PDGFD: variants seen among roughly 807,000 people sequenced by gnomAD.
PDGFD encodes the protein platelet-derived growth factor D.
In PDGFD, 30 loss-of-function variants were observed where a neutral mutation model predicts 44.7. The observed-to-expected ratio is 0.67, with a 90% CI of 0.50 to 0.91. The LOEUF is 0.91. Ranked by LOEUF, PDGFD falls within the 40% of genes least tolerant of loss-of-function variation. The pLI, the probability that PDGFD is intolerant of heterozygous loss-of-function variation, is 0.00. For synonymous variants in PDGFD, 173 were observed against 168.4 expected (o/e 1.03, Z -0.21); for missense variants, 445 against 457.8 (o/e 0.97, Z 0.25).
chr11:104,125,616 A>C (rs75516343), intron 1 of PDGFD, among the ~76,000 whole-genome samples: 243 of 152,266 alleles, frequency 1.6e-3, no homozygotes, highest in African/African-American at 5.6e-3. Flanking sequence ...ACATGACACT[A>C]TCCCAAGATG....
At chr11:104,059,962 G>C (rs1224189708) in intron 1 of PDGFD, among the ~76,000 whole-genome samples, 1 of 152,194 alleles carries the variant, frequency 6.6e-6, no homozygotes, top group Admixed American at 6.5e-5. Flanking sequence ...GGGAGATTTA[G>C]CTTCTGCAAG....
intron 1 of PDGFD, among the ~76,000 whole-genome samples, chr11:104,093,489 C>T (rs1861240035): frequency 6.6e-6 from 1 of 152,118 alleles, no homozygotes; most frequent in Non-Finnish European, 1.5e-5. Context: ...TCTGCTCCTC[C>T]TCGCTTGCCT....
chr11:104,007,264 G>A (rs1186226489), intron 1 of PDGFD, among the ~76,000 whole-genome samples: 1 of 152,156 alleles, frequency 6.6e-6, no homozygotes, highest in African/African-American at 2.4e-5. Flanking sequence ...ACTAGAGCAA[G>A]AGGCTACACA....
chr11:104,109,064 G>C (rs1424018197), intron 1 of PDGFD, among the ~76,000 whole-genome samples: 3 of 136,862 alleles, frequency 2.2e-5, no homozygotes, highest in African/African-American at 5.4e-5. Flanking sequence ...GGTGGAGGGA[G>C]GGGGGAGGGA....
At chr11:104,076,109 C>T (rs1225458576) in intron 1 of PDGFD, among the ~76,000 whole-genome samples, 1 of 152,158 alleles carries the variant, frequency 6.6e-6, no homozygotes, top group African/African-American at 2.4e-5. Context: ...ATAAGGGGCT[C>T]TTTCCCTATT....
At chr11:103,950,550 C>T (rs375436723) in intron 3 of PDGFD, among the ~76,000 whole-genome samples, 203 of 95,418 alleles carry the variant, frequency 2.1e-3, no homozygotes, top group African/African-American at 8.4e-3. Context: ...GCAACAAGAG[C>T]GAAACTCTGT....
In PDGFD at chr11:103,980,732, G is replaced by C. The variant is rs889774903; in HGVS notation, c.510+15333C>G. Among the ~76,000 whole-genome samples the C allele has an allele frequency of 4.6e-5, 7 of 152,148 alleles. No homozygotes were observed. The East Asian group carries it at 1.4e-3, about 29-fold the overall frequency. ...CACAGTATGTAGAGGTAGGGCCTTA[G>C]GATGTAGGAATGGGATTAGCAACCT... On this transcript the variant is annotated intron_variant, in intron 3 of 6. Coordinates refer to ENST00000393158, the MANE Select transcript of PDGFD (RefSeq NM_025208.5).
chr11:104,163,497 T>A (rs1862420196), intron 1 of PDGFD, among the ~76,000 whole-genome samples: 1 of 152,118 alleles, frequency 6.6e-6, no homozygotes, highest in Non-Finnish European at 1.5e-5. Flanking sequence ...TTTCGCCAAC[T>A]CCGGGATGAG....
chr11:103,920,408 T>C (rs1056457696), intron 6 of PDGFD, among the ~76,000 whole-genome samples: 8 of 152,212 alleles, frequency 5.3e-5, no homozygotes, highest in Non-Finnish European at 1.0e-4. Flanking sequence ...GAAAACATAA[T>C]GGAAAGCCTG....
At chr11:104,123,611 T>C (rs1389275421) in intron 1 of PDGFD, among the ~76,000 whole-genome samples, 2 of 152,048 alleles carry the variant, frequency 1.3e-5, no homozygotes, top group African/African-American at 4.8e-5. Context: ...CAATTAAATA[T>C]GTTTAAAGTG....
At chr11:104,047,958 A>G (rs1032203419) in intron 1 of PDGFD, among the ~76,000 whole-genome samples, 1 of 152,148 alleles carries the variant, frequency 6.6e-6, no homozygotes. Context: ...AATCTGCTAT[A>G]TCTTTGATAG....
intron 1 of PDGFD, among the ~76,000 whole-genome samples, chr11:104,029,963 C>T (rs550245449): frequency 2.6e-5 from 4 of 152,098 alleles, no homozygotes; most frequent in South Asian, 2.1e-4. Flanking sequence ...AAATCTTAAA[C>T]GTTTTGAGCT....
At chr11:104,102,731 T>C (rs1045536733) in intron 1 of PDGFD, among the ~76,000 whole-genome samples, 6 of 152,258 alleles carry the variant, frequency 3.9e-5, no homozygotes, top group African/African-American at 1.4e-4. Context: ...ATATACGCCG[T>C]GGAATACTAT....
At chr11:104,121,176 GAACA>G (rs1336521275) in intron 1 of PDGFD, among the ~76,000 whole-genome samples, 3 of 151,950 alleles carry the variant, frequency 2.0e-5, no homozygotes, top group Non-Finnish European at 4.4e-5. Context: ...AGATTTTAAA[GAACA>G]AATTGAAAGT....
At position 104,027,956 on chromosome 11, in the gene PDGFD, C is replaced by T. The variant is rs1366416155; in HGVS notation, c.125-27701G>A. On this transcript the variant is annotated intron_variant, in intron 1 of 6. Transcript: ENST00000393158. ...TTGTAATCTCAGCACTTTGGGAGAA[C>T]GAGGCAGGAGGATCAAGAGGTCAGG... Among the ~76,000 whole-genome samples the T allele has an allele frequency of 2.0e-5, 3 of 151,476 alleles. No homozygotes were observed. The South Asian group carries it at 6.2e-4, about 31-fold the overall frequency.
At chr11:104,150,208 T>G (rs888009238) in intron 1 of PDGFD, among the ~76,000 whole-genome samples, 9 of 152,184 alleles carry the variant, frequency 5.9e-5, no homozygotes, top group Non-Finnish European at 1.3e-4. Flanking sequence ...AGAATAATTT[T>G]ATAATATAAT....
At chr11:104,047,802 A>G (rs1860467064) in intron 1 of PDGFD, among the ~76,000 whole-genome samples, 1 of 152,200 alleles carries the variant, frequency 6.6e-6, no homozygotes, top group Admixed American at 6.5e-5. Context: ...ATGTGTTAAC[A>G]TCTTACATCA....
chr11:103,923,653 C>T (rs1302249991), intron 6 of PDGFD, among the ~76,000 whole-genome samples: 1 of 152,098 alleles, frequency 6.6e-6, no homozygotes, highest in African/African-American at 2.4e-5. Flanking sequence ...CTCAAGCAAC[C>T]CCCACTTCTG....
chr11:104,088,921 T>G (rs1861172268), intron 1 of PDGFD, among the ~76,000 whole-genome samples: 1 of 28,754 alleles, frequency 3.5e-5, no homozygotes, highest in African/African-American at 9.3e-5. Context: ...CAAAGTGGGA[T>G]GGGGGAAAAA....
Sources: gnomAD v4.1 joint callset for allele counts (sites outside exome capture counted in the v4.1 genomes callset) on GRCh38, gnomAD v4.1.1 for gene constraint, MANE v1.5 for transcripts, NCBI Gene and HGNC (gene_info 2026-07-23, HGNC 2026-07-21) for gene names.